NEMP2: variants seen among roughly 807,000 people sequenced by gnomAD.
NEMP2 encodes UPF0571 transmembrane protein.
A neutral mutation model predicts 54.2 loss-of-function variants in NEMP2; 53 were observed. That is an observed-to-expected ratio of 0.98 (90% CI 0.78 to 1.23). The LOEUF (loss-of-function observed/expected upper bound fraction) is 1.23, where lower values mean the gene tolerates loss of function less well. Among genes scored for constraint, NEMP2 ranks in the 50% most tolerant of loss-of-function variants. The probability of loss-of-function intolerance (pLI) is 0.00; values close to 1 mark genes in which losing one functional copy is unlikely to be tolerated. For synonymous variants in NEMP2, 197 were observed against 190.3 expected (o/e 1.04, Z -0.29); for missense variants, 455 against 511.3 (o/e 0.89, Z 1.06).
the NEMP2 span, among the ~76,000 whole-genome samples, chr2:190,455,248 TTTCA>T: frequency 6.6e-6 from 1 of 151,056 alleles, no homozygotes; most frequent in African/African-American, 2.4e-5. Context: ...TTACTATGAC[TTTCA>T]TTATTACTAT....
At chr2:190,428,867 T>C in the NEMP2 span, among the ~76,000 whole-genome samples, 1 of 151,912 alleles carries the variant, frequency 6.6e-6, no homozygotes, top group African/African-American at 2.4e-5. Context: ...GAGATGGGGT[T>C]TTGCCACATT....
chr2:190,485,370 A>G, the NEMP2 span, among the ~76,000 whole-genome samples: 1 of 152,352 alleles, frequency 6.6e-6, no homozygotes, highest in Non-Finnish European at 1.5e-5. The surrounding 1 kb of genome is among the most constrained non-coding windows in gnomAD (Gnocchi z 5.1). Flanking sequence ...GTTTGGCGTC[A>G]GCATTAAAGT....
chr2:190,516,411 C>G lies in NEMP2; in HGVS notation c.613-27G>C. On this transcript the variant is annotated intron_variant, in intron 5 of 8. Coordinates refer to ENST00000409150, the MANE Select transcript of NEMP2 (RefSeq NM_001142645.2). ...TGTGTGTGGAAGAAAATAAATGACA[C>G]ATTTTTTGGTTCATTCACTCTCATA... 3.3e-6 allele frequency: 5 copies of G among 1,507,196 alleles called. No individual in the cohort carries two copies. In the South Asian group the frequency reaches 6.3e-5, roughly 19 times the overall value. The allele number at this position is 1,507,196 out of a possible 1,614,324, so 93.4% of individuals were successfully genotyped here. A position where few individuals can be genotyped will look rare whatever the true frequency, so the allele number is the denominator to read the frequency against.
the NEMP2 span, chr2:190,477,159 C>G: frequency 1.5e-6 from 1 of 681,794 alleles, no homozygotes; most frequent in African/African-American, 1.9e-5. Context: ...ACATATGTAA[C>G]AAACCTGCAC....
the NEMP2 span, among the ~76,000 whole-genome samples, chr2:190,490,379 C>T: frequency 2.0e-4 from 30 of 151,560 alleles, no homozygotes; most frequent in Admixed American, 9.8e-4. This position sits in a 1 kb window ranked among gnomAD's most constrained non-coding sequence, Gnocchi z 4.5. Flanking sequence ...TTGGCTAACA[C>T]GGTGAAACCC....
At chr2:190,535,687 G>C (rs1697275849), upstream of NEMP2, among the ~76,000 whole-genome samples, 1 of 152,170 alleles carries the variant, frequency 6.6e-6, no homozygotes, top group South Asian at 2.1e-4. Flanking sequence ...TGCCCTCAAA[G>C]AAAGGTTTAA....
the NEMP2 span, among the ~76,000 whole-genome samples, chr2:190,557,731 A>G: frequency 4.5e-4 from 68 of 152,384 alleles, no homozygotes; most frequent in African/African-American, 1.6e-3. Flanking sequence ...AATGCTCATT[A>G]TCACTGGTCA....
chr2:190,575,331 A>ATT, the NEMP2 span, among the ~76,000 whole-genome samples: 36 of 148,660 alleles, frequency 2.4e-4, 1 homozygote, highest in Middle Eastern at 6.8e-3. Flanking sequence ...TTTTTTTCTA[A>ATT]TTTTTTTTTT....
the NEMP2 span, among the ~76,000 whole-genome samples, chr2:190,555,035 C>T: frequency 6.6e-6 from 1 of 152,166 alleles, no homozygotes; most frequent in African/African-American, 2.4e-5. The surrounding 1 kb of genome is among the most constrained non-coding windows in gnomAD (Gnocchi z 4.8). Flanking sequence ...AGTGGACCTC[C>T]AGCAAGCTCC....
the NEMP2 span, among the ~76,000 whole-genome samples, chr2:190,611,819 G>A: frequency 6.6e-6 from 1 of 152,128 alleles, no homozygotes; most frequent in Non-Finnish European, 1.5e-5. This position sits in a 1 kb window ranked among gnomAD's most constrained non-coding sequence, Gnocchi z 5.4. Context: ...TTAACTTTTA[G>A]CAACCTTTAC....
At chr2:190,554,899 A>G in the NEMP2 span, among the ~76,000 whole-genome samples, 1 of 152,210 alleles carries the variant, frequency 6.6e-6, no homozygotes, top group Non-Finnish European at 1.5e-5. The surrounding 1 kb of genome is among the most constrained non-coding windows in gnomAD (Gnocchi z 5.7). Context: ...GACACCTCAT[A>G]CAGGAGAGCT....
At chr2:190,481,370 A>C in the NEMP2 span, among the ~76,000 whole-genome samples, 1 of 152,128 alleles carries the variant, frequency 6.6e-6, no homozygotes, top group African/African-American at 2.4e-5. Context: ...GTCCACTTTT[A>C]CTTATATATG....
At chr2:190,516,625 T>C (rs1435367727) in intron 5 of NEMP2, among the ~76,000 whole-genome samples, 1 of 152,168 alleles carries the variant, frequency 6.6e-6, no homozygotes, top group African/African-American at 2.4e-5. Flanking sequence ...AGAACCTGCA[T>C]TTCAACAAGA....
At chr2:190,603,092 G>A in the NEMP2 span, among the ~76,000 whole-genome samples, 1 of 152,084 alleles carries the variant, frequency 6.6e-6, no homozygotes, top group Non-Finnish European at 1.5e-5. Context: ...TTTAAAGTCA[G>A]TAATTTCTGT....
At chr2:190,550,264 G>C in the NEMP2 span, among the ~76,000 whole-genome samples, 1 of 152,236 alleles carries the variant, frequency 6.6e-6, no homozygotes, top group East Asian at 1.9e-4. The surrounding 1 kb of genome is among the most constrained non-coding windows in gnomAD (Gnocchi z 4.7). Context: ...TTCCATGTCT[G>C]GTGAGGGCCT....
chr2:190,434,273 G>A, the NEMP2 span, among the ~76,000 whole-genome samples: 1 of 151,826 alleles, frequency 6.6e-6, no homozygotes, highest in African/African-American at 2.4e-5. This position sits in a 1 kb window ranked among gnomAD's most constrained non-coding sequence, Gnocchi z 4.3. Flanking sequence ...TCTGTTCATT[G>A]GAACAACATA....
chr2:190,440,782 A>T, the NEMP2 span, among the ~76,000 whole-genome samples: 1 of 152,226 alleles, frequency 6.6e-6, no homozygotes, highest in Non-Finnish European at 1.5e-5. Flanking sequence ...ATTACCTATT[A>T]TTAGCCATCA....
At chr2:190,570,572 C>T in the NEMP2 span, among the ~76,000 whole-genome samples, 1 of 152,120 alleles carries the variant, frequency 6.6e-6, no homozygotes, top group Non-Finnish European at 1.5e-5. This position sits in a 1 kb window ranked among gnomAD's most constrained non-coding sequence, Gnocchi z 5.4. Flanking sequence ...ATGTCCACAC[C>T]CCAAAGACAG....
chr2:190,588,761 TATA>T, the NEMP2 span, among the ~76,000 whole-genome samples: 1 of 152,136 alleles, frequency 6.6e-6, no homozygotes, highest in Admixed American at 6.6e-5. The surrounding 1 kb of genome is among the most constrained non-coding windows in gnomAD (Gnocchi z 5.0). Context: ...AAGCCCTCAT[TATA>T]TAGATGACAG....
Sources: allele counts gnomAD v4.1 joint callset (sites outside exome capture counted in the v4.1 genomes callset), GRCh38; gene constraint gnomAD v4.1.1; non-coding constraint Gnocchi (gnomAD v3.1); transcripts MANE v1.5; gene names NCBI Gene and HGNC (gene_info 2026-07-23, HGNC 2026-07-21).